RASA3: variants seen among roughly 807,000 people sequenced by gnomAD.
RASA3 encodes the protein RAS p21 protein activator 3.
Under a neutral mutation model 110.0 loss-of-function variants are expected in RASA3, and 73 were observed. The observed-to-expected ratio is 0.66, with a 90% CI of 0.55 to 0.81. RASA3 has a LOEUF of 0.81. Among genes scored for constraint, RASA3 ranks in the 30% least tolerant of loss-of-function variants. RASA3 has a pLI of 0.00. For missense variants in RASA3, 976 were observed against 1,113.2 expected (o/e 0.88, Z 1.75); for synonymous variants, 500 against 451.4 (o/e 1.11, Z -1.37).
At chr13:114,122,553 C>G (rs1053798409) in intron 1 of RASA3, among the ~76,000 whole-genome samples, 2 of 152,240 alleles carry the variant, frequency 1.3e-5, no homozygotes, top group African/African-American at 4.8e-5. Flanking sequence ...CCTTCCTGCC[C>G]CCGAGCCGTG....
intron 9 of RASA3, among the ~76,000 whole-genome samples, chr13:114,020,571 C>A (rs1318964805): frequency 6.6e-6 from 1 of 152,222 alleles, no homozygotes; most frequent in Non-Finnish European, 1.5e-5. Context: ...ACACAGTCCA[C>A]GCCTGGGAGT....
At chr13:114,068,279 G>A (rs982048171) in intron 2 of RASA3, among the ~76,000 whole-genome samples, 2 of 152,256 alleles carry the variant, frequency 1.3e-5, no homozygotes, top group African/African-American at 2.4e-5. Context: ...CCCAGTGGCA[G>A]GGGGTAGGGT....
chr13:114,007,975 C>A (rs1374285485), intron 17 of RASA3, among the ~76,000 whole-genome samples: 3 of 117,206 alleles, frequency 2.6e-5, no homozygotes, highest in Admixed American at 8.1e-5. Context: ...GTTGCCCCCA[C>A]GCACCGCGTT....
chr13:114,021,705 T>C (rs1208871527), intron 8 of RASA3, among the ~76,000 whole-genome samples, 197 bp from the exon 9 acceptor site: 1 of 152,108 alleles, frequency 6.6e-6, no homozygotes, highest in Non-Finnish European at 1.5e-5. Flanking sequence ...GATGAGTGTC[T>C]CCCAGTGGTA....
chr13:114,018,345 A>G, intron 10 of RASA3, 93 bp from the exon 11 acceptor site: 2 of 1,392,506 alleles, frequency 1.4e-6, no homozygotes, highest in Non-Finnish European at 1.9e-6. Context: ...TTCCAGCCAC[A>G]ATAGATACGG....
At chr13:113,990,905 T>C (rs1234051151) in intron 22 of RASA3, among the ~76,000 whole-genome samples, 1 of 152,258 alleles carries the variant, frequency 6.6e-6, no homozygotes, top group African/African-American at 2.4e-5. Flanking sequence ...TGTGTGTTAG[T>C]GTAGGCCTGG....
Position 114,030,044 on chromosome 13 carries a change from G to GA in RASA3, c.373-158dup, listed in dbSNP as rs1175550789. The stretch of plus-strand genomic sequence containing the variant: ...TCCAGCCCCTCCACTCCACCCCCGG[G>GA]ACGCAGGGTCCCAGCTGTGGCCTTT... On this transcript the variant is annotated intron_variant, in intron 4 of 23. Transcript: ENST00000334062. Among the ~76,000 whole-genome samples, 7 of 152,362 alleles carry GA rather than the reference G, an allele frequency of 4.6e-5. No individual in the cohort carries two copies. In the East Asian group the frequency reaches 1.4e-3, roughly 29 times the overall value.
chr13:114,013,863 C>CCTCT (rs148021593), intron 14 of RASA3, among the ~76,000 whole-genome samples: 117,269 of 122,752 alleles, frequency 0.96, 56,398 homozygotes, highest in Middle Eastern at 0.99. Flanking sequence ...TGTCTCTCTC[C>CCTCT]CTGTCTCTCT....
At chr13:114,026,966 T>C (rs2054036077) in intron 7 of RASA3, among the ~76,000 whole-genome samples, 1 of 152,222 alleles carries the variant, frequency 6.6e-6, no homozygotes, top group Non-Finnish European at 1.5e-5. Flanking sequence ...ACCCTGCCTA[T>C]TTCCACTGGA....
chr13:114,081,567 C>T (rs577428157), intron 1 of RASA3, among the ~76,000 whole-genome samples: 6 of 152,304 alleles, frequency 3.9e-5, no homozygotes, highest in Admixed American at 3.9e-4. Flanking sequence ...AGAAACACGA[C>T]TCCAAACCCT....
chr13:114,000,818 C>T lies in RASA3; in HGVS notation c.1849+8G>A, dbSNP rs766695407. 2 of 1,592,354 alleles carry T rather than the reference C, an allele frequency of 1.3e-6. No individual in the cohort carries two copies. The highest frequency in any genetic ancestry group is 1.7e-6 in the Non-Finnish European group (2 of 1,160,300). The stretch of plus-strand genomic sequence containing the variant: ...GCAAGAGCCAGGGAAAGCGACCTTG[C>T]TCCTTACCTTTGCTTTTGTGGTAGG... On this transcript the variant is annotated splice_region_variant and intron_variant, in intron 19 of 23. Coordinates refer to ENST00000334062, the MANE Select transcript of RASA3 (RefSeq NM_007368.4).
intron 1 of RASA3, among the ~76,000 whole-genome samples, chr13:114,088,699 C>T (rs1048430314): frequency 5.9e-5 from 9 of 152,044 alleles, no homozygotes; most frequent in East Asian, 5.8e-4. Context: ...TACAAGCGTG[C>T]GCCACCATGC....
intron 18 of RASA3, among the ~76,000 whole-genome samples, chr13:114,005,465 C>A (rs2053493989): frequency 6.6e-6 from 1 of 151,974 alleles, no homozygotes; most frequent in Non-Finnish European, 1.5e-5. Context: ...ACACAGACGT[C>A]CCCCTCCAAG....
chr13:114,087,682 G>A (rs142481152), intron 1 of RASA3, among the ~76,000 whole-genome samples: 8 of 152,344 alleles, frequency 5.3e-5, no homozygotes, highest in Non-Finnish European at 8.8e-5. Context: ...TGGGGCTGAC[G>A]GCTCCCGGGG....
rs985912585 is a variant in RASA3 at position 114,009,467 on chromosome 13, A to G, written c.1591-3T>C. The stretch of plus-strand genomic sequence containing the variant: ...ATGTAGGACTCCTTAAAACTCGCCT[A>G]AAATGAAACGGAGATCACTCGAGGA... On this transcript the variant is annotated splice_polypyrimidine_tract_variant and splice_region_variant and intron_variant, in intron 16 of 23. Transcript: ENST00000334062. The G allele has an allele frequency of 1.2e-6, 2 of 1,603,836 alleles. No homozygotes were observed. Among genetic ancestry groups the G allele is most frequent in the Non-Finnish European group, 1.7e-6 (2 of 1,172,044 alleles).
chr13:114,088,478 T>C (rs1026118610), intron 1 of RASA3, among the ~76,000 whole-genome samples: 9 of 152,290 alleles, frequency 5.9e-5, no homozygotes, highest in African/African-American at 2.2e-4. Flanking sequence ...GCCTGAAGAA[T>C]CACACTTCGA....
chr13:114,016,176 T>C (rs2053786652), intron 13 of RASA3, 21 bp downstream of exon 13: 1 of 1,550,828 alleles, frequency 6.4e-7, no homozygotes, highest in Non-Finnish European at 8.9e-7. Context: ...TGGCTTTGGT[T>C]GGTTCATGAA....
intron 2 of RASA3, among the ~76,000 whole-genome samples, chr13:114,070,176 G>A (rs1278116899): frequency 8.7e-6 from 1 of 114,808 alleles, no homozygotes; most frequent in East Asian, 3.2e-4. Flanking sequence ...AGACTCGGGG[G>A]GCCGGGAGAC....
At chr13:114,007,730 G>C in intron 17 of RASA3, 124 bp from the exon 18 acceptor site, 1 of 795,342 alleles carries the variant, frequency 1.3e-6, no homozygotes, top group South Asian at 1.5e-5. Flanking sequence ...CAGAATCTGG[G>C]CAAGTGAGTC....
Sources: gnomAD v4.1 joint callset for allele counts (sites outside exome capture counted in the v4.1 genomes callset) on GRCh38, gnomAD v4.1.1 for gene constraint, MANE v1.5 for transcripts, NCBI Gene and HGNC (gene_info 2026-07-23, HGNC 2026-07-21) for gene names.